The following SPAG16 variants were observed in gnomAD, a reference collection of about 807,000 sequenced individuals.
The protein encoded by SPAG16 is sperm-associated antigen 16 protein.
A neutral mutation model predicts 80.4 loss-of-function variants in SPAG16; 86 were observed. That is an observed-to-expected ratio of 1.07 (90% CI 0.90 to 1.28). The LOEUF is 1.28. Ranked by LOEUF, SPAG16 falls within the 50% of genes most tolerant of loss-of-function variation. The probability of loss-of-function intolerance (pLI) is 0.00; values close to 1 mark genes in which losing one functional copy is unlikely to be tolerated. For synonymous variants in SPAG16, 294 were observed against 265.9 expected, an observed-to-expected ratio of 1.11 and a Z score of -1.03; for missense variants, 870 against 765.3, an observed-to-expected ratio of 1.14 and a Z score of -1.61.
At chr2:213,424,654 T>C (rs1172833889) in intron 9 of SPAG16, among the ~76,000 whole-genome samples, 1 of 152,228 alleles carries the variant, frequency 6.6e-6, no homozygotes, top group African/African-American at 2.4e-5. Context: ...AAAAAATAAA[T>C]AGTACATTTA....
At chr2:214,041,978 G>GTATATGTATATATATA (rs1553702112) in intron 13 of SPAG16, among the ~76,000 whole-genome samples, 2 of 116,366 alleles carry the variant, frequency 1.7e-5, no homozygotes, top group African/African-American at 6.5e-5. Context: ...GTCTGTGTGT[G>GTATATGTATATATATA]TATATATATA....
intron 15 of SPAG16, among the ~76,000 whole-genome samples, chr2:214,319,517 A>G (rs1442559485): frequency 4.4e-5 from 6 of 136,946 alleles, no homozygotes; most frequent in Non-Finnish European, 6.5e-5. Flanking sequence ...AAAAAAAAAA[A>G]ACTATAATAG....
At position 214,223,228 on chromosome 2, in the gene SPAG16, G is replaced by A. The variant is rs577795239; in HGVS notation, c.1720+73962G>A. On this transcript the variant is annotated intron_variant, in intron 15 of 15. Transcript: ENST00000331683. The stretch of plus-strand genomic sequence containing the variant: ...TCAAAAAATGAAAGTTCTTGAGAAA[G>A]GGTTGAAGCATATAGGTCATTAGCA... Among the ~76,000 whole-genome samples the A allele has an allele frequency of 7.6e-4, 116 of 152,144 alleles. 1 individual carries two copies. The highest frequency in any genetic ancestry group is 2.6e-3 in the African/African-American group (106 of 41,506).
chr2:214,004,053 A>G (rs1341659610), intron 12 of SPAG16, among the ~76,000 whole-genome samples: 1 of 152,238 alleles, frequency 6.6e-6, no homozygotes, highest in Admixed American at 6.5e-5. Flanking sequence ...AAATGGGAAC[A>G]TGCACATCAG....
intron 10 of SPAG16, among the ~76,000 whole-genome samples, chr2:213,713,173 C>T (rs768328994): frequency 5.9e-5 from 9 of 152,116 alleles, no homozygotes; most frequent in Non-Finnish European, 1.0e-4. Context: ...AGGTCCCTCC[C>T]CCAACACGTA....
intron 10 of SPAG16, among the ~76,000 whole-genome samples, chr2:213,695,163 T>C (rs1435040401): frequency 6.6e-6 from 1 of 152,182 alleles, no homozygotes; most frequent in East Asian, 1.9e-4. Context: ...CTTTTAACCA[T>C]ATCTTTTTCT....
chr2:213,560,443 A>G (rs543721723), intron 10 of SPAG16, among the ~76,000 whole-genome samples: 1 of 152,282 alleles, frequency 6.6e-6, no homozygotes, highest in East Asian at 1.9e-4. Context: ...AGTAATATCA[A>G]TGGAACAAGT....
At chr2:214,106,467 T>A (rs185890685) in intron 13 of SPAG16, among the ~76,000 whole-genome samples, 1 of 152,166 alleles carries the variant, frequency 6.6e-6, no homozygotes, top group South Asian at 2.1e-4. Context: ...TTTAAATTTA[T>A]GTGGGGAAAT....
At chr2:213,451,763 G>T (rs556216121) in intron 9 of SPAG16, among the ~76,000 whole-genome samples, 1 of 152,156 alleles carries the variant, frequency 6.6e-6, no homozygotes, top group Admixed American at 6.5e-5. Flanking sequence ...CGGGTGTGCC[G>T]TATGTTGAGG....
intron 13 of SPAG16, among the ~76,000 whole-genome samples, chr2:214,105,174 C>T (rs13387629): frequency 0.13 from 19,380 of 152,008 alleles, 1,414 homozygotes; most frequent in Admixed American, 0.18. Flanking sequence ...CAGAGCCATG[C>T]GGAGAATGAA....
chr2:213,975,998 T>G (rs2045350729), intron 12 of SPAG16, among the ~76,000 whole-genome samples: 1 of 151,426 alleles, frequency 6.6e-6, no homozygotes, highest in Non-Finnish European at 1.5e-5. Flanking sequence ...CTTACATGGC[T>G]TGCAAACTTC....
At chr2:213,590,992 A>G (rs2060669940) in intron 10 of SPAG16, among the ~76,000 whole-genome samples, 1 of 152,220 alleles carries the variant, frequency 6.6e-6, no homozygotes, top group Non-Finnish European at 1.5e-5. Flanking sequence ...AAACCTTTAC[A>G]GCAACATGGA....
chr2:213,879,965 G>C (rs2076283933), intron 11 of SPAG16, among the ~76,000 whole-genome samples: 1 of 152,022 alleles, frequency 6.6e-6, no homozygotes, highest in African/African-American at 2.4e-5. Flanking sequence ...CTGTCTTTTT[G>C]GTATAATGAT....
At chr2:213,435,689 A>AAT (rs1575584651) in intron 9 of SPAG16, among the ~76,000 whole-genome samples, 1 of 152,200 alleles carries the variant, frequency 6.6e-6, no homozygotes, top group East Asian at 1.9e-4. Flanking sequence ...AATTTAGTTT[A>AAT]ATATTTATTA....
intron 10 of SPAG16, among the ~76,000 whole-genome samples, chr2:213,766,831 G>C (rs1182822418): frequency 6.6e-6 from 1 of 152,198 alleles, no homozygotes; most frequent in Non-Finnish European, 1.5e-5. Context: ...AGAATAGCTA[G>C]CTAGAGAGGA....
chr2:214,055,635 A>C (rs1016675732), intron 13 of SPAG16, among the ~76,000 whole-genome samples: 17 of 152,204 alleles, frequency 1.1e-4, no homozygotes, highest in African/African-American at 4.1e-4. Context: ...TTAGATAAAC[A>C]TCTGCCTAGC....
rs754346853 is a variant in SPAG16, at chr2:213,513,111, G to A, written c.1070+23021G>A. 3.3e-5 allele frequency among the ~76,000 whole-genome samples: 5 copies of A among 152,216 alleles called. No individual in the cohort carries two copies. In the East Asian group the frequency reaches 5.8e-4, roughly 18 times the overall value. ...CTATGATCCTCTTTTCCACTGTCAC[G>A]TGTGTATGTATGTTTTGTTTTGTCT... On this transcript the variant is annotated intron_variant, in intron 10 of 15. Coordinates refer to ENST00000331683, the MANE Select transcript of SPAG16 (RefSeq NM_024532.5).
intron 10 of SPAG16, among the ~76,000 whole-genome samples, chr2:213,788,653 C>T (rs2070493702): frequency 1.3e-5 from 2 of 151,848 alleles, no homozygotes; most frequent in African/African-American, 4.8e-5. Context: ...ACAGGAAGGC[C>T]TTAGAATAGA....
intron 15 of SPAG16, among the ~76,000 whole-genome samples, chr2:214,365,217 TG>T (rs1212155652): frequency 6.6e-6 from 1 of 152,194 alleles, no homozygotes; most frequent in Non-Finnish European, 1.5e-5. Context: ...AGTTCAATTT[TG>T]GATATAGTGA....
Sources: allele counts gnomAD v4.1 joint callset (sites outside exome capture counted in the v4.1 genomes callset), GRCh38; gene constraint gnomAD v4.1.1; transcripts MANE v1.5; gene names NCBI Gene and HGNC (gene_info 2026-07-23, HGNC 2026-07-21).